The following AK8 variants were observed in gnomAD, a reference collection of about 807,000 sequenced individuals.
AK8 encodes adenylate kinase 8.
In AK8, 44 loss-of-function variants were observed where a neutral mutation model predicts 54.6. The ratio of observed to expected loss-of-function variants is 0.81; its 90% CI spans 0.63 to 1.04. AK8 has a LOEUF of 1.04. Among genes scored for constraint, AK8 ranks in the 50% least tolerant of loss-of-function variants. The pLI, the probability that AK8 is intolerant of heterozygous loss-of-function variation, is 0.00. For synonymous variants in AK8, 239 were observed against 245.6 expected, an observed-to-expected ratio of 0.97 and a Z score of 0.25; for missense variants, 555 against 613.6, an observed-to-expected ratio of 0.90 and a Z score of 1.01.
In AK8 at chr9:132,748,109, T is replaced by C. The variant is rs1211809179; in HGVS notation, c.1122-20575A>G. Among the ~76,000 whole-genome samples, 5 of 151,466 alleles carry C rather than the reference T, an allele frequency of 3.3e-5. 1 individual carries two copies. The highest frequency in any genetic ancestry group is 7.4e-5 in the Non-Finnish European group (5 of 67,782). ...AGTGAAACTCTGTCTCAGAAATAAA[T>C]AAATAAATAAATAAACAAAATCACA... On this transcript the variant is annotated intron_variant, in intron 11 of 12. Transcript: ENST00000298545.
intron 5 of AK8, among the ~76,000 whole-genome samples, chr9:132,844,321 AAAG>A (rs1451769043): frequency 1.3e-5 from 2 of 151,656 alleles, no homozygotes; most frequent in Non-Finnish European, 2.9e-5. Flanking sequence ...AAAAAAGAAA[AAAG>A]AAAAAGAAAC....
chr9:132,875,517 C>T (rs1844055603), intron 1 of AK8, among the ~76,000 whole-genome samples: 1 of 152,228 alleles, frequency 6.6e-6, no homozygotes, highest in African/African-American at 2.4e-5. Context: ...TCCAAGTTCT[C>T]AAGCATCACC....
intron 11 of AK8, among the ~76,000 whole-genome samples, chr9:132,737,712 G>A (rs1321298671): frequency 6.6e-6 from 1 of 151,926 alleles, no homozygotes; most frequent in Non-Finnish European, 1.5e-5. Flanking sequence ...GAAATAGAAG[G>A]GAAAGTCCTC....
chr9:132,785,764 C>G (rs963297966), intron 11 of AK8, among the ~76,000 whole-genome samples: 9 of 152,184 alleles, frequency 5.9e-5, no homozygotes, highest in Non-Finnish European at 1.0e-4. Flanking sequence ...CGGGCTCCAC[C>G]CATGCATCCA....
chr9:132,758,616 AT>A lies in AK8; in HGVS notation c.1122-31083del, dbSNP rs571985405. On this transcript the variant is annotated intron_variant, in intron 11 of 12. Coordinates refer to ENST00000298545, the MANE Select transcript of AK8 (RefSeq NM_152572.3). ...AGGCCTGTGCCACCAGGCCTGGCTA[AT>A]TTTTTTTTTTTCTGCATTTTTAGTA... Among the ~76,000 whole-genome samples, 77 of 143,996 alleles carry A rather than the reference AT, an allele frequency of 5.3e-4. 1 individual carries two copies. The highest frequency in any genetic ancestry group is 1.8e-3 in the South Asian group (8 of 4,502). The allele number at this position is 143,996 out of a possible 152,430, so 94.5% of individuals were successfully genotyped here.
intron 11 of AK8, among the ~76,000 whole-genome samples, chr9:132,729,536 A>C (rs1245483821): frequency 6.6e-6 from 1 of 152,268 alleles, no homozygotes; most frequent in East Asian, 1.9e-4. Flanking sequence ...TTTTTAAAAA[A>C]TAACTTCTAG....
chr9:132,857,206 G>A (rs932625272), intron 4 of AK8, among the ~76,000 whole-genome samples: 2 of 152,176 alleles, frequency 1.3e-5, no homozygotes, highest in Admixed American at 6.5e-5. Context: ...TGCTGGCAGA[G>A]CTTCTGGAAA....
chr9:132,814,875 G>A (rs1841250991), intron 9 of AK8, 148 bp from the exon 10 acceptor site: 1 of 572,336 alleles, frequency 1.7e-6, no homozygotes. Flanking sequence ...GTGGGTATGT[G>A]TCCAAGTAAA....
At chr9:132,805,591 G>A (rs143770684) in intron 10 of AK8, among the ~76,000 whole-genome samples, 330 of 152,114 alleles carry the variant, frequency 2.2e-3, no homozygotes, top group Admixed American at 3.0e-3. Context: ...TCATACCGGA[G>A]AAAGACAAGG....
intron 5 of AK8, among the ~76,000 whole-genome samples, chr9:132,839,485 A>C (rs1842449118): frequency 6.6e-6 from 1 of 152,164 alleles, no homozygotes; most frequent in African/African-American, 2.4e-5. Flanking sequence ...TGATGGGAGA[A>C]TAGGAAGACT....
At chr9:132,762,870 C>T (rs925746540) in intron 11 of AK8, among the ~76,000 whole-genome samples, 1 of 152,086 alleles carries the variant, frequency 6.6e-6, no homozygotes, top group Non-Finnish European at 1.5e-5. Flanking sequence ...GAGCGAGACT[C>T]TATCTCAAAA....
chr9:132,777,306 C>T (rs1004739517), intron 11 of AK8, among the ~76,000 whole-genome samples: 2 of 152,150 alleles, frequency 1.3e-5, no homozygotes, highest in African/African-American at 2.4e-5. Context: ...AGTGCCTCCC[C>T]GCATCATCCC....
At chr9:132,752,890 A>G (rs78454542) in intron 11 of AK8, among the ~76,000 whole-genome samples, 1,753 of 152,126 alleles carry the variant, frequency 0.012, 39 homozygotes, top group African/African-American at 0.04. Flanking sequence ...TTTTAATCCC[A>G]CATAAAGCAC....
intron 11 of AK8, among the ~76,000 whole-genome samples, chr9:132,787,802 C>G (rs1168627587): frequency 2.0e-5 from 3 of 152,066 alleles, no homozygotes; most frequent in East Asian, 3.8e-4. Context: ...GTGTAACAGT[C>G]CACTGCTTTT....
intron 11 of AK8, among the ~76,000 whole-genome samples, chr9:132,747,331 GGGTTTCACCATGTT>G (rs545276580): frequency 1.8e-4 from 27 of 152,014 alleles, no homozygotes; most frequent in Non-Finnish European, 2.9e-4. Context: ...AGTAGAGATG[GGGTTTCACCATGTT>G]GGTTTCACCA....
intron 5 of AK8, among the ~76,000 whole-genome samples, chr9:132,844,297 C>CAAAAAAAAAAAAAA (rs35309762): frequency 5.4e-5 from 5 of 92,634 alleles, no homozygotes; most frequent in East Asian, 3.3e-4. Context: ...TGCATTAGAC[C>CAAAAAAAAAAAAAA]AAAAAAAAAA....
At chr9:132,851,445 A>T (rs1482799360) in intron 5 of AK8, among the ~76,000 whole-genome samples, 1 of 152,232 alleles carries the variant, frequency 6.6e-6, no homozygotes, top group Non-Finnish European at 1.5e-5. Flanking sequence ...TGGCCAAAAT[A>T]CCAAAAAGAG....
At chr9:132,776,734 G>A (rs562716874) in intron 11 of AK8, among the ~76,000 whole-genome samples, 3 of 152,168 alleles carry the variant, frequency 2.0e-5, no homozygotes, top group East Asian at 3.9e-4. Flanking sequence ...AGTTAGGACA[G>A]GCCAGTGCCT....
At chr9:132,797,773 C>T (rs1041240702) in intron 10 of AK8, among the ~76,000 whole-genome samples, 7 of 152,080 alleles carry the variant, frequency 4.6e-5, no homozygotes, top group Admixed American at 1.3e-4. Flanking sequence ...TGTGAGAGAC[C>T]GTTCCTAAAG....
Sources: gnomAD v4.1 joint callset for allele counts (sites outside exome capture counted in the v4.1 genomes callset) on GRCh38, gnomAD v4.1.1 for gene constraint, MANE v1.5 for transcripts, NCBI Gene and HGNC (gene_info 2026-07-23, HGNC 2026-07-21) for gene names.